NSUN2: variants seen among roughly 807,000 people sequenced by gnomAD.
The protein encoded by NSUN2 is NOP2/Sun RNA methyltransferase 2.
Under a neutral mutation model 92.7 loss-of-function variants are expected in NSUN2, and 63 were observed. The ratio of observed to expected loss-of-function variants is 0.68; its 90% CI spans 0.56 to 0.84. NSUN2 has a LOEUF of 0.84. Among genes scored for constraint, NSUN2 ranks in the 40% least tolerant of loss-of-function variants. The pLI, the probability that NSUN2 is intolerant of heterozygous loss-of-function variation, is 0.00. For missense variants in NSUN2, 989 were observed against 964.9 expected (o/e 1.02, Z -0.33); for synonymous variants, 356 against 348.3 (o/e 1.02, Z -0.25).
chr5:6,623,973 T>C (rs1207262758), intron 4 of NSUN2, among the ~76,000 whole-genome samples: 1 of 152,212 alleles, frequency 6.6e-6, no homozygotes, highest in Non-Finnish European at 1.5e-5. Flanking sequence ...TTAATCGCCT[T>C]GAAGCTGAGG....
At chr5:6,608,704 C>A (rs181407901) in intron 12 of NSUN2, among the ~76,000 whole-genome samples, 37 of 152,336 alleles carry the variant, frequency 2.4e-4, no homozygotes, top group African/African-American at 8.4e-4. Flanking sequence ...CAACCTAAAG[C>A]ACGCGTCTCT....
At chr5:6,606,478 G>A (rs1231144882) in intron 14 of NSUN2, among the ~76,000 whole-genome samples, 2 of 152,024 alleles carry the variant, frequency 1.3e-5, no homozygotes, top group East Asian at 3.9e-4. Flanking sequence ...GTAGAGACGG[G>A]GTTTCACCGT....
At chr5:6,631,500 C>G (rs1737891069) in intron 3 of NSUN2, among the ~76,000 whole-genome samples, 1 of 152,210 alleles carries the variant, frequency 6.6e-6, no homozygotes, top group East Asian at 1.9e-4. Context: ...TAAGAGACTA[C>G]CTACCAGGAG....
At chr5:6,623,439 A>G (rs1004888250) in intron 4 of NSUN2, among the ~76,000 whole-genome samples, 154 bp from the exon 5 acceptor site, 1 of 152,162 alleles carries the variant, frequency 6.6e-6, no homozygotes, top group African/African-American at 2.4e-5. Context: ...ACACTAAATG[A>G]GATGGATCTG....
Position 6,631,897 on chromosome 5 carries a change from A to G in NSUN2, c.335T>C (p.Val112Ala). The change falls in exon 3 of 19, where the codon GTT becomes GCT. Residue 112 changes from valine (V) to alanine (A), a missense_variant. This residue lies in a region of NSUN2 where 356 missense variants were observed against 338.6 expected (regional missense o/e 1.05). Transcript: ENST00000264670. ...CCAACTCAGTGGCTGTGGAACTTCA[A>G]CTTTCTGACCGTCCACCTCCAGGTC... ...LEDLEVDGQK[V>A]EVPQPLSWYP... 1 of 1,613,934 alleles carries G rather than the reference A, an allele frequency of 6.2e-7. No individual in the cohort carries two copies. Among genetic ancestry groups the G allele is most frequent in the Non-Finnish European group, 8.5e-7 (1 of 1,179,812 alleles).
intron 11 of NSUN2, 67 bp downstream of exon 11, chr5:6,610,888 C>T: frequency 6.3e-7 from 1 of 1,582,978 alleles, no homozygotes; most frequent in Non-Finnish European, 8.6e-7. Context: ...CAACAAGACT[C>T]ACCAGCTCAC....
At chr5:6,627,258 C>T (rs1330508241) in intron 3 of NSUN2, among the ~76,000 whole-genome samples, 1 of 152,204 alleles carries the variant, frequency 6.6e-6, no homozygotes, top group African/African-American at 2.4e-5. Context: ...AGGTTACATG[C>T]AAATTTGGCA....
chr5:6,632,588 T>G lies in NSUN2; in HGVS notation c.254+11A>C. ...CCCCAACTCCCAAAAAATCAGGCAC[T>G]GCCTCCCTACCTTTTGTAACCAGTA... On this transcript the variant is annotated intron_variant, in intron 2 of 18. Coordinates refer to ENST00000264670, the MANE Select transcript of NSUN2 (RefSeq NM_017755.6). 1 of 1,612,576 alleles carries G rather than the reference T, an allele frequency of 6.2e-7. No individual in the cohort carries two copies. Among genetic ancestry groups the G allele is most frequent in the Non-Finnish European group, 8.5e-7 (1 of 1,179,060 alleles).
chr5:6,609,190 T>C (rs1196758225), intron 12 of NSUN2, among the ~76,000 whole-genome samples: 1 of 152,224 alleles, frequency 6.6e-6, no homozygotes, highest in Non-Finnish European at 1.5e-5. Flanking sequence ...GGCCAGGTTC[T>C]TTCATCATGG....
chr5:6,604,351 C>A, intron 16 of NSUN2, 75 bp from the exon 17 acceptor site: 1 of 1,355,082 alleles, frequency 7.4e-7, no homozygotes, highest in Non-Finnish European at 1.0e-6. Flanking sequence ...CTCTCAGGGG[C>A]TATGCTCTTA....
chr5:6,628,060 G>A (rs1246091983), intron 3 of NSUN2, among the ~76,000 whole-genome samples: 5 of 152,154 alleles, frequency 3.3e-5, no homozygotes, highest in Non-Finnish European at 7.3e-5. Context: ...TAAAAAGCAC[G>A]TAACAGGCGA....
intron 17 of NSUN2, among the ~76,000 whole-genome samples, chr5:6,602,800 G>A (rs1037547021): frequency 2.6e-5 from 4 of 152,128 alleles, no homozygotes; most frequent in African/African-American, 9.7e-5. Context: ...ATTAACTGCT[G>A]GTTAATTCTT....
intron 9 of NSUN2, among the ~76,000 whole-genome samples, 181 bp from the exon 10 acceptor site, chr5:6,611,979 T>C (rs1233592292): frequency 2.6e-5 from 4 of 152,112 alleles, no homozygotes; most frequent in Non-Finnish European, 4.4e-5. Context: ...GAGTGGCCGA[T>C]GGGGCTCAGC....
At chr5:6,617,378 GA>G (rs966866704) in intron 8 of NSUN2, among the ~76,000 whole-genome samples, 3 of 151,806 alleles carry the variant, frequency 2.0e-5, no homozygotes, top group Admixed American at 6.6e-5. Flanking sequence ...CATGTCAAAT[GA>G]AAAAAAGAAT....
Position 6,604,273 on chromosome 5 carries a change from T to C in NSUN2, c.1822A>G (p.Ile608Val), listed in dbSNP as rs760624674. ...TTAATAAATGGATACAATGTATATA[T>C]TCCCTGTGTGAATAAAGAGAATGAG... The part of the protein sequence containing the change: ...DCAFRLAQEG[I>V]YTLYPFINSR... The change falls in exon 17 of 19, where the codon ATA becomes GTA. Residue 608 changes from isoleucine (I) to valine (V), a missense_variant. Ile to Val is a conservative substitution (Grantham distance 29). Coordinates refer to ENST00000264670, the MANE Select transcript of NSUN2 (RefSeq NM_017755.6). 8.8e-6 allele frequency: 14 copies of C among 1,590,676 alleles called. No homozygotes were observed. The highest frequency in any genetic ancestry group is 3.4e-5 in the Admixed American group (2 of 59,048).
Position 6,602,509 on chromosome 5 carries a change from G to C in NSUN2, c.1958-9C>G. 1 of 1,614,244 alleles carries C rather than the reference G, an allele frequency of 6.2e-7. No homozygotes were observed. Among genetic ancestry groups the C allele is most frequent in the South Asian group, 1.1e-5 (1 of 91,092 alleles). ...CACGATGCTTCCCTTTGCTGGAAAAGAAACAGACACACATTTGCCAGGTTT... is the reference window on the plus strand; with the variant it reads ...CACGATGCTTCCCTTTGCTGGAAAACAAACAGACACACATTTGCCAGGTTT... On this transcript the variant is annotated splice_polypyrimidine_tract_variant and intron_variant, in intron 17 of 18. Transcript: ENST00000264670.
chr5:6,604,968 C>G, intron 15 of NSUN2: 1 of 593,858 alleles, frequency 1.7e-6, no homozygotes, highest in South Asian at 2.1e-5. Flanking sequence ...TACTCGCAGC[C>G]TCTACACCTT....
rs376326834 is a variant in NSUN2 at position 6,611,035 on chromosome 5, G to A, written c.1146C>T (p.His382=). Residue 382 remains histidine (H), a synonymous_variant, in exon 11 of 19, where the codon CAC becomes CAT. Coordinates refer to ENST00000264670, the MANE Select transcript of NSUN2 (RefSeq NM_017755.6). ...QWFTDWDAVP[H]SRHTQIRPTM... ...TAGGTCGGATCTGGGTGTGTCTGCT[G>A]TGAGGAACAGCGTCCCAGTCTGTAA... 2.2e-5 allele frequency: 35 copies of A among 1,614,064 alleles called. No homozygotes were observed. In the East Asian group the frequency reaches 3.6e-4, roughly 16 times the overall value.
intron 7 of NSUN2, among the ~76,000 whole-genome samples, chr5:6,619,276 C>G (rs962035633): frequency 6.6e-6 from 1 of 152,216 alleles, no homozygotes; most frequent in Non-Finnish European, 1.5e-5. Flanking sequence ...CTGCAAGTTT[C>G]ATACTGAGTT....
Sources: gnomAD v4.1 joint callset for allele counts (sites outside exome capture counted in the v4.1 genomes callset) on GRCh38, gnomAD v4.1.1 for gene constraint, gnomAD v4.1.1 regional missense constraint, MANE v1.5 for transcripts, NCBI Gene and HGNC (gene_info 2026-07-23, HGNC 2026-07-21) for gene names.